The following FAF1 variants were observed in gnomAD, a reference collection of about 807,000 sequenced individuals.
FAF1 encodes the protein FAS-associated factor 1.
Under a neutral mutation model 92.5 loss-of-function variants are expected in FAF1, and 25 were observed. That is an observed-to-expected ratio of 0.27 (90% confidence interval 0.20 to 0.38). FAF1 has a LOEUF of 0.38. FAF1 is among the 10% of genes least tolerant of loss of function. FAF1 has a pLI of 1.00. For missense variants in FAF1, 636 were observed against 793.3 expected, an observed-to-expected ratio of 0.80 and a Z score of 2.38; for synonymous variants, 234 against 273.2, an observed-to-expected ratio of 0.86 and a Z score of 1.42.
chr1:50,755,284 A>G (rs1471691493), intron 4 of FAF1, among the ~76,000 whole-genome samples: 1 of 152,244 alleles, frequency 6.6e-6, no homozygotes, highest in Non-Finnish European at 1.5e-5. Flanking sequence ...AAACTGGCCA[A>G]AATGAAGGGC....
chr1:50,471,307 G>C (rs1195248492), intron 18 of FAF1, among the ~76,000 whole-genome samples: 1 of 152,080 alleles, frequency 6.6e-6, no homozygotes, highest in Non-Finnish European at 1.5e-5. Context: ...TGTTTAGCTT[G>C]GTGCTTAGCA....
intron 1 of FAF1, among the ~76,000 whole-genome samples, chr1:50,913,122 G>A (rs1644897500): frequency 6.6e-6 from 1 of 152,188 alleles, no homozygotes; most frequent in African/African-American, 2.4e-5. Flanking sequence ...ATAATTGCCT[G>A]TTTGTGTGTC....
At chr1:50,890,858 G>A (rs1255515924) in intron 1 of FAF1, among the ~76,000 whole-genome samples, 3 of 152,104 alleles carry the variant, frequency 2.0e-5, no homozygotes, top group Non-Finnish European at 4.4e-5. Flanking sequence ...TCTCCCTGAG[G>A]ATTATCTTTG....
intron 17 of FAF1, among the ~76,000 whole-genome samples, chr1:50,485,111 A>G (rs1246830654): frequency 6.6e-6 from 1 of 151,820 alleles, no homozygotes; most frequent in Admixed American, 6.6e-5. Context: ...TAATAAAAAA[A>G]AGAAATTATT....
intron 8 of FAF1, among the ~76,000 whole-genome samples, chr1:50,639,663 C>T (rs1557449760): frequency 6.6e-6 from 1 of 151,872 alleles, no homozygotes; most frequent in Non-Finnish European, 1.5e-5. Flanking sequence ...TGGCTGGGCG[C>T]GGTGGCTAAC....
chr1:50,604,187 T>A (rs1652272275), intron 8 of FAF1, among the ~76,000 whole-genome samples: 1 of 152,166 alleles, frequency 6.6e-6, no homozygotes, highest in Admixed American at 6.5e-5. Context: ...CAGGAGATCT[T>A]GAAGCCTTAG....
chr1:50,480,865 A>G (rs1646692294), intron 17 of FAF1, among the ~76,000 whole-genome samples: 1 of 152,210 alleles, frequency 6.6e-6, no homozygotes, highest in South Asian at 2.1e-4. Context: ...AAGCATTGTT[A>G]TAATAAGAGA....
chr1:50,948,154 G>C (rs1645185466), intron 1 of FAF1, among the ~76,000 whole-genome samples: 1 of 152,156 alleles, frequency 6.6e-6, no homozygotes, highest in Non-Finnish European at 1.5e-5. Flanking sequence ...TTTTGAAAGA[G>C]AAATAGAAAC....
intron 13 of FAF1, among the ~76,000 whole-genome samples, chr1:50,543,856 T>A (rs1333275147): frequency 6.6e-6 from 1 of 152,136 alleles, no homozygotes; most frequent in Admixed American, 6.5e-5. Flanking sequence ...CCACAAAATT[T>A]TAAACATTTA....
intron 13 of FAF1, among the ~76,000 whole-genome samples, chr1:50,563,653 G>T (rs1198824840): frequency 6.6e-6 from 1 of 152,072 alleles, no homozygotes; most frequent in East Asian, 1.9e-4. Context: ...TGCTTTCTGG[G>T]TTTCTTTTTC....
chr1:50,690,927 A>G (rs888041288), intron 7 of FAF1, among the ~76,000 whole-genome samples: 1 of 152,068 alleles, frequency 6.6e-6, no homozygotes, highest in Non-Finnish European at 1.5e-5. Flanking sequence ...CCATTTTTTT[A>G]TGACTGAAAA....
intron 8 of FAF1, among the ~76,000 whole-genome samples, chr1:50,650,315 C>G (rs949725829): frequency 7.4e-6 from 1 of 135,076 alleles, no homozygotes; most frequent in Non-Finnish European, 1.6e-5. Flanking sequence ...AGTAATAAAA[C>G]TGAAAGAGTT....
chr1:50,449,311 C>T (rs541591193), intron 18 of FAF1, among the ~76,000 whole-genome samples: 28 of 152,150 alleles, frequency 1.8e-4, no homozygotes, highest in Admixed American at 1.2e-3. Flanking sequence ...CAGAAATTGT[C>T]GGGGCTCAAA....
In FAF1 at chr1:50,583,640, T is replaced by C. The variant is rs1420831542; in HGVS notation, c.1031+12A>G. ...CAGCATCAAATTTATATAGTTAATGTCCTAACCCTACCTTGAAGAAAACTC... is the reference window on the plus strand; with the variant it reads ...CAGCATCAAATTTATATAGTTAATGCCCTAACCCTACCTTGAAGAAAACTC... On this transcript the variant is annotated intron_variant, in intron 11 of 18. Coordinates refer to ENST00000396153, the MANE Select transcript of FAF1 (RefSeq NM_007051.3). The surrounding 1 kb of genome is among the most constrained non-coding windows in gnomAD (Gnocchi z 4.2). 9.7e-6 allele frequency: 15 copies of C among 1,542,446 alleles called. No homozygotes were observed. The highest frequency in any genetic ancestry group is 1.2e-5 in the Non-Finnish European group (14 of 1,131,620).
chr1:50,557,319 A>T (rs1649636624), intron 13 of FAF1, among the ~76,000 whole-genome samples: 1 of 152,242 alleles, frequency 6.6e-6, no homozygotes, highest in African/African-American at 2.4e-5. Context: ...AACAGCTTTT[A>T]AAAAGTCTTT....
intron 1 of FAF1, among the ~76,000 whole-genome samples, chr1:50,869,349 T>C (rs1311574843): frequency 2.0e-5 from 3 of 152,176 alleles, no homozygotes; most frequent in Non-Finnish European, 4.4e-5. Context: ...AAAGTACTTA[T>C]ATTTCATGTA....
At chr1:50,815,876 A>G (rs1437440104) in intron 2 of FAF1, among the ~76,000 whole-genome samples, 1 of 151,980 alleles carries the variant, frequency 6.6e-6, no homozygotes, top group Admixed American at 6.5e-5. Context: ...ATACCAAAGA[A>G]GTTAGCCAGG....
intron 1 of FAF1, among the ~76,000 whole-genome samples, chr1:50,902,261 A>G (rs1372645227): frequency 6.6e-6 from 1 of 152,230 alleles, no homozygotes; most frequent in Admixed American, 6.5e-5. Flanking sequence ...GCTATCTAAT[A>G]TGGTAGCCAC....
In FAF1 at chr1:50,779,987, G is replaced by GACACAC. The variant is rs1297272722; in HGVS notation, c.367+8012_367+8013insGTGTGT. 6.9e-3 allele frequency among the ~76,000 whole-genome samples: 780 copies of GACACAC among 112,846 alleles called. 2 individuals carry two copies. The highest frequency in any genetic ancestry group is 0.027 in the African/African-American group (768 of 28,114). The allele number at this position is 112,846 out of a possible 152,430, so 74.0% of individuals were successfully genotyped here. A position where few individuals can be genotyped will look rare whatever the true frequency, so the allele number is the denominator to read the frequency against. On this transcript the variant is annotated intron_variant, in intron 4 of 18. Coordinates refer to ENST00000396153, the MANE Select transcript of FAF1 (RefSeq NM_007051.3). The stretch of plus-strand genomic sequence containing the variant: ...CACTACAAGCACACATGCACAGACA[G>GACACAC]ACAGACACACACACACACACACACA...
Sources: allele counts gnomAD v4.1 joint callset (sites outside exome capture counted in the v4.1 genomes callset), GRCh38; gene constraint gnomAD v4.1.1; non-coding constraint Gnocchi (gnomAD v3.1); transcripts MANE v1.5; gene names NCBI Gene and HGNC (gene_info 2026-07-23, HGNC 2026-07-21).